Variants in GRXCR1 observed in about 807,000 individuals in gnomAD.
The protein encoded by GRXCR1 is glutaredoxin and cysteine rich domain containing 1.
A neutral mutation model predicts 27.3 loss-of-function variants in GRXCR1; 27 were observed. That is an observed-to-expected ratio of 0.99 (90% CI 0.73 to 1.37). The LOEUF is 1.37. Among genes scored for constraint, GRXCR1 ranks in the 40% most tolerant of loss-of-function variants. The pLI is 0.00. For synonymous variants in GRXCR1, 122 were observed against 131.1 expected (o/e 0.93, Z 0.47); for missense variants, 379 against 354.4 (o/e 1.07, Z -0.56).
intron 2 of GRXCR1, among the ~76,000 whole-genome samples, chr4:42,982,688 C>T (rs1306003744): frequency 2.1e-5 from 3 of 139,984 alleles, no homozygotes; most frequent in Non-Finnish European, 3.2e-5. Flanking sequence ...TAAAAGTGTT[C>T]CTGTTTCTCC....
intron 2 of GRXCR1, among the ~76,000 whole-genome samples, chr4:42,995,070 T>C (rs1234695561): frequency 1.3e-5 from 2 of 152,196 alleles, no homozygotes; most frequent in African/African-American, 4.8e-5. Context: ...ATCAAAAGCA[T>C]TTTTCATTTT....
chr4:43,030,290 C>T (rs553307162), intron 3 of GRXCR1, 71 bp from the exon 4 acceptor site: 39 of 1,399,508 alleles, frequency 2.8e-5, no homozygotes, highest in South Asian at 2.3e-4. Flanking sequence ...TCAGAAAGAC[C>T]GGGAGGCTGA....
chr4:42,945,913 C>G (rs1747732718), intron 1 of GRXCR1, among the ~76,000 whole-genome samples: 1 of 152,084 alleles, frequency 6.6e-6, no homozygotes, highest in Admixed American at 6.6e-5. Flanking sequence ...GCATTATTTC[C>G]TTTTAATTGT....
At chr4:42,903,358 C>CTGGA (rs1248059782) in intron 1 of GRXCR1, among the ~76,000 whole-genome samples, 3 of 116,354 alleles carry the variant, frequency 2.6e-5, no homozygotes, top group African/African-American at 9.7e-5. Flanking sequence ...CTCACCCAGG[C>CTGGA]TGGAGTGCAG....
chr4:42,975,605 G>A (rs1168751532), intron 2 of GRXCR1, among the ~76,000 whole-genome samples: 1 of 152,060 alleles, frequency 6.6e-6, no homozygotes, highest in Non-Finnish European at 1.5e-5. Context: ...GGAGTCCACG[G>A]TCTTACTGGA....
At chr4:42,897,757 G>A (rs1746377805) in intron 1 of GRXCR1, among the ~76,000 whole-genome samples, 1 of 151,874 alleles carries the variant, frequency 6.6e-6, no homozygotes, top group African/African-American at 2.4e-5. Flanking sequence ...AATTTCTTTA[G>A]CATGAAGTAA....
intron 2 of GRXCR1, among the ~76,000 whole-genome samples, chr4:42,983,685 C>G (rs1187267312): frequency 6.6e-6 from 1 of 152,040 alleles, no homozygotes; most frequent in African/African-American, 2.4e-5. Flanking sequence ...TTCTCTTTCT[C>G]CTTCTTAAAG....
chr4:43,010,778 C>T (rs75743556), intron 2 of GRXCR1, among the ~76,000 whole-genome samples: 1 of 152,066 alleles, frequency 6.6e-6, no homozygotes, highest in African/African-American at 2.4e-5. Flanking sequence ...TAAAAAAGCT[C>T]TTTGAAATAG....
chr4:43,002,173 C>T (rs1199997790), intron 2 of GRXCR1, among the ~76,000 whole-genome samples: 3 of 152,282 alleles, frequency 2.0e-5, no homozygotes, highest in Admixed American at 1.3e-4. Context: ...CTGCAAGAGG[C>T]TTTCCTCTTT....
At chr4:43,020,208 C>T (rs1033719887) in intron 2 of GRXCR1, 146 bp from the exon 3 acceptor site, 23 of 678,958 alleles carry the variant, frequency 3.4e-5, no homozygotes, top group Non-Finnish European at 5.4e-5. Flanking sequence ...GTCTTCTTCT[C>T]TTTGGCATCC....
intron 1 of GRXCR1, among the ~76,000 whole-genome samples, chr4:42,959,336 C>A (rs1459714751): frequency 6.6e-6 from 1 of 151,640 alleles, no homozygotes; most frequent in East Asian, 1.9e-4. Context: ...AAGAAAAATA[C>A]TGCGTGATCT....
chr4:42,983,981 G>A (rs1315584406), intron 2 of GRXCR1, among the ~76,000 whole-genome samples: 1 of 151,624 alleles, frequency 6.6e-6, no homozygotes, highest in Non-Finnish European at 1.5e-5. Flanking sequence ...GATTACAGGT[G>A]CCCACCATCA....
Position 42,962,982 on chromosome 4 carries a change from G to C in GRXCR1, c.475G>C (p.Val159Leu). The change falls in exon 2 of 4, where the codon GTT becomes CTT. Residue 159 changes from valine to leucine, a missense_variant. Physicochemically the swap from Val to Leu is conservative, Grantham distance 32. Coordinates refer to ENST00000399770, the MANE Select transcript of GRXCR1 (RefSeq NM_001080476.3). ...VRTTFERCELVRKIFQNHRVK... is the reference protein window; with the variant it reads ...VRTTFERCELLRKIFQNHRVK... The stretch of plus-strand genomic sequence containing the variant: ...GACAACCTTTGAAAGATGTGAACTG[G>C]TTAGAAAGATTTTCCAAAACCATCG... 1 of 1,612,898 alleles carries C rather than the reference G, an allele frequency of 6.2e-7. No homozygotes were observed. Among genetic ancestry groups the C allele is most frequent in the Non-Finnish European group, 8.5e-7 (1 of 1,179,188 alleles).
chr4:42,984,061 C>G (rs574689555), intron 2 of GRXCR1, among the ~76,000 whole-genome samples: 1 of 152,264 alleles, frequency 6.6e-6, no homozygotes, highest in Admixed American at 6.5e-5. Context: ...GTCTCGAACT[C>G]CTGACCTCAG....
intron 1 of GRXCR1, among the ~76,000 whole-genome samples, chr4:42,939,841 G>T (rs1463755469): frequency 6.6e-6 from 1 of 151,814 alleles, no homozygotes; most frequent in Non-Finnish European, 1.5e-5. Flanking sequence ...TTTGCCCAGG[G>T]GTATATCCTC....
At chr4:42,950,962 A>T (rs1747869956) in intron 1 of GRXCR1, among the ~76,000 whole-genome samples, 1 of 151,908 alleles carries the variant, frequency 6.6e-6, no homozygotes, top group African/African-American at 2.4e-5. Flanking sequence ...TATATCTAGG[A>T]AGAGATTTAT....
intron 2 of GRXCR1, among the ~76,000 whole-genome samples, chr4:43,002,621 T>C (rs933512025): frequency 2.0e-5 from 3 of 151,932 alleles, no homozygotes; most frequent in Admixed American, 6.6e-5. Flanking sequence ...CCTTTCTACA[T>C]AGACACAGTG....
chr4:42,984,331 A>T (rs758692672), intron 2 of GRXCR1, among the ~76,000 whole-genome samples: 1 of 152,056 alleles, frequency 6.6e-6, no homozygotes, highest in Non-Finnish European at 1.5e-5. Flanking sequence ...CTTGAAGTTC[A>T]CTGAGATTCC....
intron 1 of GRXCR1, among the ~76,000 whole-genome samples, chr4:42,896,376 TTTGATGATG>T (rs1371593278): frequency 6.6e-6 from 1 of 152,122 alleles, no homozygotes; most frequent in Non-Finnish European, 1.5e-5. Flanking sequence ...ATCCTGGGTA[TTTGATGATG>T]TGCAAAATTA....
Sources: allele counts gnomAD v4.1 joint callset (sites outside exome capture counted in the v4.1 genomes callset), GRCh38; gene constraint gnomAD v4.1.1; transcripts MANE v1.5; gene names NCBI Gene and HGNC (gene_info 2026-07-23, HGNC 2026-07-21).